ATG5: variants seen among roughly 807,000 people sequenced by gnomAD.
The protein encoded by ATG5 is autophagy related 5, also known as autophagy protein 5.
A neutral mutation model predicts 36.5 loss-of-function variants in ATG5; 14 were observed. The observed-to-expected ratio is 0.38, with a 90% CI of 0.25 to 0.60. The LOEUF is 0.60. ATG5 is among the 20% of genes least tolerant of loss of function. The probability of loss-of-function intolerance (pLI) is 0.60; values close to 1 mark genes in which losing one functional copy is unlikely to be tolerated. For synonymous variants in ATG5, 95 were observed against 101.5 expected, an observed-to-expected ratio of 0.94 and a Z score of 0.38; for missense variants, 195 against 326.7, an observed-to-expected ratio of 0.60 and a Z score of 3.11.
Position 106,308,423 on chromosome 6 carries a change from A to C in ATG5, c.177T>G (p.Val59=), listed in dbSNP as rs1421919304. ...TCTCACTAATGTCTTCTTGTCTCATAACCTTCTGAAAGTGCTTTTTCACTT... is the reference window on the plus strand; with the variant it reads ...TCTCACTAATGTCTTCTTGTCTCATCACCTTCTGAAAGTGCTTTTTCACTT... ...TDKVKKHFQK[V]MRQEDISEIW... is the part of the protein sequence containing the mutation. The change falls in exon 3 of 8, where the codon GTT becomes GTG. Residue 59 remains valine (V), a synonymous_variant. Transcript: ENST00000369076. 2 of 1,600,864 alleles carry C rather than the reference A, an allele frequency of 1.2e-6. No individual in the cohort carries two copies. The highest frequency in any genetic ancestry group is 2.7e-5 in the African/African-American group (2 of 74,272).
chr6:106,213,618 G>T (rs556368588), intron 6 of ATG5, among the ~76,000 whole-genome samples: 1 of 152,218 alleles, frequency 6.6e-6, no homozygotes, highest in East Asian at 1.9e-4. Context: ...GAAATCAGTG[G>T]ATAAGGAGAG....
intron 5 of ATG5, among the ~76,000 whole-genome samples, chr6:106,269,818 G>A (rs576852944): frequency 6.6e-6 from 1 of 152,318 alleles, no homozygotes; most frequent in South Asian, 2.1e-4. Flanking sequence ...TGAGGGAGCC[G>A]GCTCCAGCCT....
intron 4 of ATG5, among the ~76,000 whole-genome samples, chr6:106,290,249 AT>A (rs1466525512): frequency 2.1e-5 from 3 of 145,980 alleles, no homozygotes; most frequent in Non-Finnish European, 3.0e-5. Context: ...TATCTATTTT[AT>A]TTTATTTTAT....
At chr6:106,209,577 G>A (rs1265659165) in intron 6 of ATG5, among the ~76,000 whole-genome samples, 2 of 152,156 alleles carry the variant, frequency 1.3e-5, no homozygotes, top group Non-Finnish European at 2.9e-5. Context: ...TAGCCTAAGA[G>A]ATCCTTCTGT....
At chr6:106,214,013 G>T (rs1191659552) in intron 6 of ATG5, among the ~76,000 whole-genome samples, 1 of 152,086 alleles carries the variant, frequency 6.6e-6, no homozygotes, top group Non-Finnish European at 1.5e-5. Context: ...TTGTTAATGA[G>T]AATAAATATT....
chr6:106,259,779 A>G (rs1435234881), intron 5 of ATG5, among the ~76,000 whole-genome samples: 1 of 152,230 alleles, frequency 6.6e-6, no homozygotes, highest in Non-Finnish European at 1.5e-5. Flanking sequence ...GACAAAATCT[A>G]AGCATTAACA....
At chr6:106,284,725 TTTG>T (rs1481846010) in intron 4 of ATG5, among the ~76,000 whole-genome samples, 1 of 149,108 alleles carries the variant, frequency 6.7e-6, no homozygotes, top group Non-Finnish European at 1.5e-5. Flanking sequence ...TGGGGTTTTT[TTTG>T]TTTTTTTTTT....
chr6:106,269,272 A>G (rs1037781446), intron 5 of ATG5, among the ~76,000 whole-genome samples: 2 of 152,122 alleles, frequency 1.3e-5, no homozygotes, highest in African/African-American at 4.8e-5. Flanking sequence ...AGCTAGATAC[A>G]GAGTGCTGAT....
intron 7 of ATG5, among the ~76,000 whole-genome samples, chr6:106,188,459 T>C (rs1225544937): frequency 1.3e-5 from 2 of 152,170 alleles, no homozygotes; most frequent in African/African-American, 4.8e-5. Context: ...TTGTATACTA[T>C]GAAACAGCAG....
At chr6:106,262,971 C>T (rs904614970) in intron 5 of ATG5, among the ~76,000 whole-genome samples, 3 of 152,180 alleles carry the variant, frequency 2.0e-5, no homozygotes, top group East Asian at 1.9e-4. Context: ...ACTTCAGTGG[C>T]GCCTGGAACC....
At chr6:106,210,966 T>C (rs1022698263) in intron 6 of ATG5, among the ~76,000 whole-genome samples, 2 of 152,226 alleles carry the variant, frequency 1.3e-5, no homozygotes, top group Non-Finnish European at 2.9e-5. Context: ...AAATAAGGAT[T>C]ATAATAACAT....
chr6:106,300,831 T>C (rs180876696), intron 3 of ATG5, among the ~76,000 whole-genome samples: 4 of 152,240 alleles, frequency 2.6e-5, no homozygotes, highest in Non-Finnish European at 5.9e-5. Context: ...GTATGTATTT[T>C]TTTTTACAAT....
intron 6 of ATG5, among the ~76,000 whole-genome samples, chr6:106,239,377 G>A (rs943139194): frequency 6.6e-6 from 1 of 152,090 alleles, no homozygotes; most frequent in Non-Finnish European, 1.5e-5. Flanking sequence ...TGTCTGGGAA[G>A]ACTTAATATC....
chr6:106,248,063 GCAGA>G, intron 6 of ATG5, 83 bp downstream of exon 6: 1 of 1,008,542 alleles, frequency 9.9e-7, no homozygotes, highest in East Asian at 2.4e-5. Context: ...TAGTTACTAT[GCAGA>G]CAAAGAGTTC....
At chr6:106,299,270 A>G (rs1329079010) in intron 3 of ATG5, among the ~76,000 whole-genome samples, 5 of 152,242 alleles carry the variant, frequency 3.3e-5, no homozygotes, top group African/African-American at 7.2e-5. Context: ...TAGATTACTT[A>G]TAATACCTAT....
chr6:106,302,735 AAAGAT>A (rs1366143035), intron 3 of ATG5, among the ~76,000 whole-genome samples: 51 of 152,194 alleles, frequency 3.4e-4, no homozygotes, highest in Admixed American at 3.3e-3. Flanking sequence ...TCAATAATGA[AAAGAT>A]AACAGAAAAA....
In ATG5 at chr6:106,245,363, A is replaced by C. The variant is rs76219080; in HGVS notation, c.573+2787T>G. On this transcript the variant is annotated intron_variant, in intron 6 of 7. Coordinates refer to ENST00000369076, the MANE Select transcript of ATG5 (RefSeq NM_004849.4). ...TCCTATCAACTTATTTGGTCAGGGCAGACTTCACTTTTCATGATAATTATG... is the reference window on the plus strand; with the variant it reads ...TCCTATCAACTTATTTGGTCAGGGCCGACTTCACTTTTCATGATAATTATG... 1.2e-3 allele frequency among the ~76,000 whole-genome samples: 190 copies of C among 152,344 alleles called. 2 individuals are homozygous for C. In the East Asian group the frequency reaches 0.031, roughly 25 times the overall value.
In ATG5 at chr6:106,210,899, ACT is replaced by A. The variant is rs571435590; in HGVS notation, c.574-8812_574-8811del. Among the ~76,000 whole-genome samples, 440 of 152,268 alleles carry A rather than the reference ACT, an allele frequency of 2.9e-3. 2 individuals are homozygous for A. The highest frequency in any genetic ancestry group is 0.01 in the African/African-American group (418 of 41,558). On this transcript the variant is annotated intron_variant, in intron 6 of 7. Transcript: ENST00000369076. ...AATTGTTCTTTTTAAATGTGACTTGACTCTCAACAGAACTCTACTGAATTCTA... is the reference window on the plus strand; with the variant it reads ...AATTGTTCTTTTTAAATGTGACTTGACTCAACAGAACTCTACTGAATTCTA...
chr6:106,260,451 T>C (rs1251641442), intron 5 of ATG5, among the ~76,000 whole-genome samples: 1 of 152,246 alleles, frequency 6.6e-6, no homozygotes, highest in Non-Finnish European at 1.5e-5. Flanking sequence ...AAGCATAGTC[T>C]GGATACTAAA....
Sources: gnomAD v4.1 joint callset for allele counts (sites outside exome capture counted in the v4.1 genomes callset) on GRCh38, gnomAD v4.1.1 for gene constraint, MANE v1.5 for transcripts, NCBI Gene and HGNC (gene_info 2026-07-23, HGNC 2026-07-21) for gene names.